The following EDA variants were observed in gnomAD, a reference collection of about 807,000 sequenced individuals.
The protein encoded by EDA is ectodysplasin A, also known as ectodysplasin-A.
A neutral mutation model predicts 23.6 loss-of-function variants in EDA; 2 were observed. That is an observed-to-expected ratio of 0.08 (90% CI 0.03 to 0.27). The LOEUF (loss-of-function observed/expected upper bound fraction) is 0.27, where lower values mean the gene tolerates loss of function less well. Among genes scored for constraint, EDA ranks in the 10% least tolerant of loss-of-function variants. The pLI, the probability that EDA is intolerant of heterozygous loss-of-function variation, is 1.00. For missense variants in EDA, 229 were observed against 324.2 expected (o/e 0.71, Z 2.26); for synonymous variants, 131 against 132.0 (o/e 0.99, Z 0.05).
At chrX:69,849,122 CACACACACACAT>C (rs1404052181) in intron 1 of EDA, among the ~76,000 whole-genome samples, 8 of 87,941 alleles carry the variant, frequency 9.1e-5, no homozygotes, top group African/African-American at 3.0e-4. Flanking sequence ...CACACACACA[CACACACACACAT>C]ACATATTATT....
intron 1 of EDA, among the ~76,000 whole-genome samples, chrX:69,708,072 A>T (rs2011806777): frequency 8.9e-6 from 1 of 111,764 alleles, no homozygotes; most frequent in Non-Finnish European, 1.9e-5. Flanking sequence ...ACTGGGGGTC[A>T]CTGGAGTTCT....
At chrX:70,013,918 C>T (rs2019910437) in intron 2 of EDA, among the ~76,000 whole-genome samples, 1 of 112,372 alleles carries the variant, frequency 8.9e-6, no homozygotes, top group Non-Finnish European at 1.9e-5. Flanking sequence ...TACTCATTAC[C>T]AGGCAGGGTG....
At chrX:69,772,831 G>A (rs1270830291) in intron 1 of EDA, among the ~76,000 whole-genome samples, 1 of 111,781 alleles carries the variant, frequency 8.9e-6, no homozygotes, top group Non-Finnish European at 1.9e-5. Flanking sequence ...TTTTATGGCT[G>A]TGTATTATTC....
Position 69,790,206 on chromosome X carries a change from C to CT in EDA, c.397-166813dup, listed in dbSNP as rs766961246. On this transcript the variant is annotated intron_variant, in intron 1 of 7. Transcript: ENST00000374552. ...AAGACCCCTTAAAGTCCTCTTTTTT[C>CT]TTTTTTTTATATATTATTATTATTA... 4.4e-3 allele frequency among the ~76,000 whole-genome samples: 480 copies of CT among 109,829 alleles called. 4 individuals carry two copies. Among genetic ancestry groups the CT allele is most frequent in the African/African-American group, 0.015 (462 of 30,324 alleles).
intron 1 of EDA, among the ~76,000 whole-genome samples, chrX:69,867,030 A>T (rs2017497314): frequency 1.8e-5 from 2 of 112,148 alleles, no homozygotes; most frequent in Admixed American, 1.9e-4. Flanking sequence ...GAAGAGGTCC[A>T]ATATAATCAA....
chrX:69,987,300 A>T (rs202099902), intron 2 of EDA, among the ~76,000 whole-genome samples: 317 of 83,010 alleles, frequency 3.8e-3, no homozygotes, highest in Middle Eastern at 0.021. Context: ...AAAAAAAAAA[A>T]TTTTTTTTTT....
chrX:69,810,519 G>A (rs2015929014), intron 1 of EDA, among the ~76,000 whole-genome samples: 1 of 107,310 alleles, frequency 9.3e-6, no homozygotes, highest in South Asian at 4.2e-4. Context: ...CACTTTGGGA[G>A]GTCAAGGCAG....
At chrX:69,926,643 G>A (rs1432753771) in intron 1 of EDA, among the ~76,000 whole-genome samples, 1 of 111,878 alleles carries the variant, frequency 8.9e-6, no homozygotes, top group Admixed American at 9.4e-5. Flanking sequence ...GTTGATTTGG[G>A]GTGAAGAATT....
At chrX:69,790,619 C>T (rs888986198) in intron 1 of EDA, among the ~76,000 whole-genome samples, 1 of 111,335 alleles carries the variant, frequency 9.0e-6, no homozygotes. Flanking sequence ...ACCTGGTAAT[C>T]AACTTTTGTT....
intron 1 of EDA, among the ~76,000 whole-genome samples, chrX:69,894,737 G>T (rs753879145): frequency 6.3e-5 from 7 of 111,634 alleles, no homozygotes; most frequent in Non-Finnish European, 1.3e-4. Context: ...GAATGCTACC[G>T]ATTTTTGTAC....
chrX:69,648,833 C>G (rs754187167), intron 1 of EDA, among the ~76,000 whole-genome samples: 1 of 111,718 alleles, frequency 9.0e-6, no homozygotes, highest in African/African-American at 3.3e-5. Context: ...GCCTGAGTGG[C>G]TGCTCTGCTG....
At chrX:69,907,312 AAC>A (rs1156390349) in intron 1 of EDA, among the ~76,000 whole-genome samples, 2 of 111,722 alleles carry the variant, frequency 1.8e-5, no homozygotes, top group Non-Finnish European at 3.8e-5. Flanking sequence ...CCTGTGCCCT[AAC>A]ACACACCAGA....
At chrX:69,748,905 C>A (rs145107377) in intron 1 of EDA, among the ~76,000 whole-genome samples, 1,560 of 111,270 alleles carry the variant, frequency 0.014, 20 homozygotes, top group African/African-American at 0.046. Context: ...GGAGGCAAAT[C>A]GAAGAAATGT....
chrX:69,672,797 G>T (rs925530820), intron 1 of EDA, among the ~76,000 whole-genome samples: 28 of 109,531 alleles, frequency 2.6e-4, no homozygotes, highest in African/African-American at 9.3e-4. Context: ...CAGGAGAATG[G>T]CATGAACCCG....
intron 1 of EDA, among the ~76,000 whole-genome samples, chrX:69,894,123 A>G (rs2017973338): frequency 8.9e-6 from 1 of 112,065 alleles, no homozygotes; most frequent in South Asian, 3.7e-4. Flanking sequence ...AATCTACTGC[A>G]TATGGCTAGG....
intron 1 of EDA, among the ~76,000 whole-genome samples, chrX:69,712,833 T>A (rs2012128852): frequency 9.0e-6 from 1 of 110,895 alleles, no homozygotes; most frequent in African/African-American, 3.3e-5. Flanking sequence ...AATGATAGAC[T>A]GGATTAAGGA....
chrX:69,740,246 T>C (rs1407626317), intron 1 of EDA, among the ~76,000 whole-genome samples: 1 of 111,737 alleles, frequency 8.9e-6, no homozygotes, highest in African/African-American at 3.2e-5. Context: ...TGTGTTTTTC[T>C]CTATGGGATC....
intron 1 of EDA, among the ~76,000 whole-genome samples, chrX:69,753,078 C>G (rs1368991935): frequency 8.9e-6 from 1 of 111,766 alleles, no homozygotes; most frequent in Non-Finnish European, 1.9e-5. Flanking sequence ...CTATCTCCTT[C>G]AGTTCTGCTC....
intron 1 of EDA, among the ~76,000 whole-genome samples, chrX:69,635,644 C>T (rs1486414476): frequency 2.0e-5 from 2 of 98,602 alleles, no homozygotes; most frequent in Non-Finnish European, 3.9e-5. Context: ...TCTCGGCTCA[C>T]TGCAACCTCT....
Sources: gnomAD v4.1 joint callset for allele counts (sites outside exome capture counted in the v4.1 genomes callset) on GRCh38, gnomAD v4.1.1 for gene constraint, MANE v1.5 for transcripts, NCBI Gene and HGNC (gene_info 2026-07-23, HGNC 2026-07-21) for gene names.